Variants in TENM1 observed in about 807,000 individuals in gnomAD.
The protein encoded by TENM1 is teneurin transmembrane protein 1.
Under a neutral mutation model 174.8 loss-of-function variants are expected in TENM1, and 35 were observed. That is an observed-to-expected ratio of 0.20 (90% CI 0.15 to 0.27). The LOEUF (loss-of-function observed/expected upper bound fraction) is 0.27. Among genes scored for constraint, TENM1 ranks in the 10% least tolerant of loss-of-function variants. The probability of loss-of-function intolerance (pLI) is 1.00; values close to 1 mark genes in which losing one functional copy is unlikely to be tolerated. For missense variants in TENM1, 1,633 were observed against 2,130.1 expected, an observed-to-expected ratio of 0.77 and a Z score of 4.59; for synonymous variants, 781 against 798.7, an observed-to-expected ratio of 0.98 and a Z score of 0.37.
the TENM1 span, among the ~76,000 whole-genome samples, chrX:125,044,446 C>G: frequency 3.8e-4 from 41 of 108,863 alleles, no homozygotes; most frequent in East Asian, 0.011. Flanking sequence ...AAAAATTAGC[C>G]TGGTATCGTG....
the TENM1 span, among the ~76,000 whole-genome samples, chrX:125,180,966 C>T: frequency 9.0e-6 from 1 of 111,712 alleles, no homozygotes; most frequent in East Asian, 2.8e-4. Context: ...CTAGTATTAC[C>T]GGCATTACCT....
the TENM1 span, among the ~76,000 whole-genome samples, chrX:124,991,921 C>T: frequency 9.0e-6 from 1 of 111,118 alleles, no homozygotes; most frequent in Non-Finnish European, 1.9e-5. Flanking sequence ...CATCCTTGAT[C>T]CCAGTTCCAG....
chrX:124,794,152 A>G (rs2055248723), intron 3 of TENM1, among the ~76,000 whole-genome samples: 1 of 111,227 alleles, frequency 9.0e-6, no homozygotes, highest in Non-Finnish European at 1.9e-5. Context: ...TAGAGCCATC[A>G]ATGCCTGAAT....
At chrX:125,058,987 TCACACA>T in the TENM1 span, among the ~76,000 whole-genome samples, 10 of 103,631 alleles carry the variant, frequency 9.6e-5, no homozygotes, top group South Asian at 4.3e-4. Context: ...TTCATCATCA[TCACACA>T]CACACACACA....
At chrX:124,906,387 T>C (rs1450648428) in intron 1 of TENM1, among the ~76,000 whole-genome samples, 1 of 112,218 alleles carries the variant, frequency 8.9e-6, no homozygotes, top group Non-Finnish European at 1.9e-5. Flanking sequence ...TGTCTGTATA[T>C]ATTTGCGTAT....
chrX:124,757,228 C>T (rs896365675), intron 3 of TENM1, among the ~76,000 whole-genome samples: 22 of 112,509 alleles, frequency 2.0e-4, no homozygotes, highest in African/African-American at 6.5e-4. Flanking sequence ...TCGCTGCCAC[C>T]TTGCAGTTTG....
chrX:124,900,950 C>G (rs2057652621), intron 1 of TENM1, among the ~76,000 whole-genome samples: 1 of 109,933 alleles, frequency 9.1e-6, no homozygotes, highest in Non-Finnish European at 1.9e-5. Context: ...TGCCACCATG[C>G]CCAGCTAATT....
chrX:125,154,616 G>A, the TENM1 span, among the ~76,000 whole-genome samples: 1 of 111,481 alleles, frequency 9.0e-6, no homozygotes, highest in African/African-American at 3.3e-5. Flanking sequence ...GGAATTGGTG[G>A]GTTCTTGGTC....
intron 4 of TENM1, among the ~76,000 whole-genome samples, chrX:124,717,762 T>C (rs773619022): frequency 6.1e-4 from 68 of 112,095 alleles, no homozygotes; most frequent in Non-Finnish European, 1.1e-3. Flanking sequence ...ACAGAGTTCA[T>C]GCATATAGTA....
the TENM1 span, among the ~76,000 whole-genome samples, chrX:125,172,295 A>G: frequency 9.2e-5 from 10 of 108,902 alleles, no homozygotes; most frequent in South Asian, 4.0e-4. Context: ...AGAGCATGCA[A>G]TGAAACTGAG....
At chrX:124,718,045 C>T (rs1273340521) in intron 4 of TENM1, among the ~76,000 whole-genome samples, 2 of 112,533 alleles carry the variant, frequency 1.8e-5, no homozygotes, top group Non-Finnish European at 3.7e-5. Flanking sequence ...ACAATGCCCT[C>T]TATACTTCTA....
At chrX:124,939,910 T>G (rs981648816) in intron 1 of TENM1, among the ~76,000 whole-genome samples, 4 of 112,291 alleles carry the variant, frequency 3.6e-5, no homozygotes, top group African/African-American at 9.7e-5. Flanking sequence ...TTTTAATTTT[T>G]TAATAAAATA....
At chrX:125,054,724 T>C in the TENM1 span, among the ~76,000 whole-genome samples, 1 of 111,640 alleles carries the variant, frequency 9.0e-6, no homozygotes, top group Admixed American at 9.6e-5. Context: ...ACACTGACTT[T>C]TGATGTCTTA....
At chrX:124,523,494 C>G (rs1315841451) in exon 17 of TENM1, 1 of 1,209,490 alleles carries the variant, frequency 8.3e-7, no homozygotes, top group East Asian at 3.0e-5. Context: ...TGATACAACT[C>G]TCTGCATGGT....
the TENM1 span, among the ~76,000 whole-genome samples, chrX:125,096,828 CAG>C: frequency 2.7e-5 from 3 of 109,536 alleles, no homozygotes; most frequent in African/African-American, 1.0e-4. Context: ...ACACCTGGAC[CAG>C]AGTTTCTGAT....
At chrX:125,182,630 CTTGA>C in the TENM1 span, among the ~76,000 whole-genome samples, 1 of 111,370 alleles carries the variant, frequency 9.0e-6, no homozygotes. Flanking sequence ...ACCTACAACA[CTTGA>C]TTATTTTATT....
rs899141152 is a variant in TENM1, at chrX:124,713,338, G to A, written c.777-8087C>T. On this transcript the variant is annotated intron_variant, in intron 4 of 31. Coordinates refer to ENST00000422452, the Ensembl canonical transcript of TENM1. ...GGCTGGAGTGTAATGGCGTGATCTC[G>A]GCTCACTGCAACCTCCGCCTCCTGG... 5.5e-5 allele frequency among the ~76,000 whole-genome samples: 6 copies of A among 109,439 alleles called. No individual in the cohort carries two copies. The East Asian group carries it at 8.6e-4, about 16-fold the overall frequency.
the TENM1 span, among the ~76,000 whole-genome samples, chrX:125,190,985 A>G: frequency 5.4e-5 from 6 of 111,190 alleles, no homozygotes; most frequent in Non-Finnish European, 9.4e-5. Context: ...TTTTATCTTA[A>G]AATATTTGTA....
At chrX:124,384,450 C>T (rs780121085) in exon 30 of TENM1, 5 of 1,210,546 alleles carry the variant, frequency 4.1e-6, no homozygotes, top group East Asian at 5.9e-5. Context: ...CCATCAGCAT[C>T]GTATTCATAG....
Sources: gnomAD v4.1 joint callset for allele counts (sites outside exome capture counted in the v4.1 genomes callset) on GRCh38, gnomAD v4.1.1 for gene constraint, MANE v1.5 for transcripts, NCBI Gene and HGNC (gene_info 2026-07-23, HGNC 2026-07-21) for gene names.